Variants in CACNA2D3 observed in about 807,000 individuals in gnomAD.
The protein encoded by CACNA2D3 is calcium voltage-gated channel auxiliary subunit alpha2delta 3.
In CACNA2D3, 60 loss-of-function variants were observed where a neutral mutation model predicts 160.6. That is an observed-to-expected ratio of 0.37 (90% CI 0.30 to 0.46). CACNA2D3 has a LOEUF of 0.46. Ranked by LOEUF, CACNA2D3 falls within the 20% of genes least tolerant of loss-of-function variation. The probability of loss-of-function intolerance (pLI) is 1.00; values close to 1 mark genes in which losing one functional copy is unlikely to be tolerated. For synonymous variants in CACNA2D3, 558 were observed against 492.9 expected, an observed-to-expected ratio of 1.13 and a Z score of -1.75; for missense variants, 1,205 against 1,365.0, an observed-to-expected ratio of 0.88 and a Z score of 1.85.
At chr3:54,827,347 A>G (rs1703769718) in intron 14 of CACNA2D3, among the ~76,000 whole-genome samples, 1 of 152,258 alleles carries the variant, frequency 6.6e-6, no homozygotes, top group African/African-American at 2.4e-5. Context: ...ATATTTGGCA[A>G]TGGATATGGA....
intron 2 of CACNA2D3, among the ~76,000 whole-genome samples, chr3:54,259,103 C>A (rs983486319): frequency 6.6e-6 from 1 of 152,208 alleles, no homozygotes; most frequent in African/African-American, 2.4e-5. Flanking sequence ...CCAGGCTTGG[C>A]CCACCAATGT....
intron 2 of CACNA2D3, among the ~76,000 whole-genome samples, chr3:54,172,708 G>A (rs79694460): frequency 0.025 from 3,868 of 152,258 alleles, 181 homozygotes; most frequent in African/African-American, 0.089. Context: ...TACTAGTATT[G>A]AATGACTAGA....
chr3:54,254,167 A>G (rs1425158996), intron 2 of CACNA2D3, among the ~76,000 whole-genome samples: 2 of 152,138 alleles, frequency 1.3e-5, no homozygotes, highest in African/African-American at 4.8e-5. Flanking sequence ...GCTCATAGAG[A>G]CCACTTGAGA....
At chr3:54,823,978 C>T (rs1703695491) in intron 14 of CACNA2D3, among the ~76,000 whole-genome samples, 1 of 152,154 alleles carries the variant, frequency 6.6e-6, no homozygotes, top group African/African-American at 2.4e-5. Context: ...ATGAAATAGA[C>T]TACCAAGAGT....
At chr3:54,211,809 T>C (rs1330789700) in intron 2 of CACNA2D3, among the ~76,000 whole-genome samples, 4 of 152,210 alleles carry the variant, frequency 2.6e-5, no homozygotes, top group Non-Finnish European at 5.9e-5. Context: ...ATGTAAGAGT[T>C]ATTTTATAAA....
At chr3:54,186,949 G>C (rs1700888801) in intron 2 of CACNA2D3, among the ~76,000 whole-genome samples, 2 of 152,178 alleles carry the variant, frequency 1.3e-5, no homozygotes, top group Admixed American at 6.5e-5. Context: ...AGGAGGGAAA[G>C]GAAAGGCTGG....
chr3:54,294,723 AGGGT>A (rs1258925707), intron 2 of CACNA2D3, among the ~76,000 whole-genome samples: 4 of 152,140 alleles, frequency 2.6e-5, no homozygotes, highest in African/African-American at 9.7e-5. Context: ...TTTCCAGTGC[AGGGT>A]GGTGCTAGTT....
chr3:54,805,751 AAAG>A (rs1280728814), intron 13 of CACNA2D3, among the ~76,000 whole-genome samples: 1 of 152,228 alleles, frequency 6.6e-6, no homozygotes, highest in Non-Finnish European at 1.5e-5. Context: ...CACAACCAAA[AAAG>A]AGAATTTTAG....
At chr3:54,605,714 T>C (rs1281864730) in intron 9 of CACNA2D3, among the ~76,000 whole-genome samples, 2 of 152,216 alleles carry the variant, frequency 1.3e-5, no homozygotes, top group Admixed American at 1.3e-4. Context: ...TTTTCCAGTA[T>C]GTAGATCCCA....
At chr3:54,852,342 G>T (rs1445241987) in intron 17 of CACNA2D3, among the ~76,000 whole-genome samples, 1 of 152,246 alleles carries the variant, frequency 6.6e-6, no homozygotes, top group Non-Finnish European at 1.5e-5. Flanking sequence ...AGGCCAGTGG[G>T]TGGAAAGCAG....
At chr3:54,430,347 A>G (rs1277471882) in intron 4 of CACNA2D3, among the ~76,000 whole-genome samples, 4 of 152,214 alleles carry the variant, frequency 2.6e-5, no homozygotes, top group Non-Finnish European at 5.9e-5. Context: ...TGTTAAAAAT[A>G]TTGAGGTTGG....
At chr3:54,203,308 A>T (rs569517711) in intron 2 of CACNA2D3, among the ~76,000 whole-genome samples, 2 of 152,102 alleles carry the variant, frequency 1.3e-5, no homozygotes, top group African/African-American at 2.4e-5. Flanking sequence ...TTGTTGCTCA[A>T]ACCTCTAGGG....
chr3:54,432,491 A>C (rs1700004158), intron 4 of CACNA2D3, among the ~76,000 whole-genome samples: 1 of 152,130 alleles, frequency 6.6e-6, no homozygotes, highest in African/African-American at 2.4e-5. Context: ...AGAGGAAACG[A>C]AAAACATGCT....
chr3:54,922,246 A>C (rs1196893129), intron 27 of CACNA2D3, among the ~76,000 whole-genome samples: 1 of 151,578 alleles, frequency 6.6e-6, no homozygotes, highest in East Asian at 1.9e-4. Context: ...CCCAAAGACC[A>C]CCAGCAAGTT....
chr3:54,957,063 G>A (rs778870895), intron 27 of CACNA2D3, among the ~76,000 whole-genome samples: 16 of 152,092 alleles, frequency 1.1e-4, no homozygotes, highest in Non-Finnish European at 2.2e-4. Context: ...CAGACACCTG[G>A]CACATACTAG....
intron 9 of CACNA2D3, among the ~76,000 whole-genome samples, chr3:54,627,046 G>T (rs1486307218): frequency 6.6e-5 from 10 of 152,210 alleles, no homozygotes; most frequent in African/African-American, 2.4e-4. Context: ...TTTCTAGCCT[G>T]TGTCTGTCTT....
At chr3:54,882,623 C>G (rs749988846) in intron 21 of CACNA2D3, among the ~76,000 whole-genome samples, 27 of 152,170 alleles carry the variant, frequency 1.8e-4, no homozygotes, top group Non-Finnish European at 3.5e-4. Context: ...CTTCCTCTCT[C>G]TGTTGGTCCT....
chr3:54,463,519 T>G (rs1700548579), intron 4 of CACNA2D3, among the ~76,000 whole-genome samples: 1 of 152,230 alleles, frequency 6.6e-6, no homozygotes, highest in African/African-American at 2.4e-5. Flanking sequence ...TTCATTTCAT[T>G]CATTTCATCT....
chr3:54,643,463 T>A (rs1699567023), intron 11 of CACNA2D3, among the ~76,000 whole-genome samples: 1 of 152,050 alleles, frequency 6.6e-6, no homozygotes, highest in Non-Finnish European at 1.5e-5. Context: ...AGCCATCACC[T>A]CTGAAGCTGG....
Sources: allele counts gnomAD v4.1 joint callset (sites outside exome capture counted in the v4.1 genomes callset), GRCh38; gene constraint gnomAD v4.1.1; transcripts MANE v1.5; gene names NCBI Gene and HGNC (gene_info 2026-07-23, HGNC 2026-07-21).